ZNF423: variants seen among roughly 807,000 people sequenced by gnomAD.
ZNF423 encodes the protein Ebf-associated zinc finger protein.
In ZNF423, 12 loss-of-function variants were observed where a neutral mutation model predicts 95.8. That is an observed-to-expected ratio of 0.13 (90% CI 0.08 to 0.20). The LOEUF is 0.20. Ranked by LOEUF, ZNF423 falls within the 10% of genes least tolerant of loss-of-function variation. The pLI is 1.00. For synonymous variants in ZNF423, 749 were observed against 711.9 expected (o/e 1.05, Z -0.83); for missense variants, 1,316 against 1,737.1 (o/e 0.76, Z 4.31).
chr16:49,618,523 C>T (rs1645969198), intron 5 of ZNF423, among the ~76,000 whole-genome samples: 1 of 152,170 alleles, frequency 6.6e-6, no homozygotes, highest in African/African-American at 2.4e-5. Flanking sequence ...GCTCTTCCCC[C>T]TTTGCTTTCT....
At chr16:49,595,151 G>T (rs1304890268) in intron 5 of ZNF423, among the ~76,000 whole-genome samples, 1 of 152,168 alleles carries the variant, frequency 6.6e-6, no homozygotes, top group Non-Finnish European at 1.5e-5. Context: ...GGGGTGGGGG[G>T]GTCTCTCTTG....
chr16:49,635,879 G>A lies in ZNF423; in HGVS notation c.3297C>T (p.Leu1099=). The A allele has an allele frequency of 6.3e-7, 1 of 1,583,498 alleles. No homozygotes were observed. The highest frequency in any genetic ancestry group is 8.6e-7 in the Non-Finnish European group (1 of 1,167,404). The change falls in exon 4 of 8, where the codon CTC becomes CTT. Residue 1099 remains leucine (L), a synonymous_variant. Coordinates refer to ENST00000563137, the MANE Select transcript of ZNF423 (RefSeq NM_001379286.1). This position sits in a 1 kb window ranked among gnomAD's most constrained non-coding sequence, Gnocchi z 4.8. The stretch of plus-strand genomic sequence containing the variant: ...CGCTGCGGGCCATGCAGCCGGCGCA[G>A]AGGCCGTAGGGCAGCCCATTGACGT... ...KLDVNGLPYG[L]CAGCMARSAN...
chr16:49,829,016 A>G (rs972871899), intron 1 of ZNF423, among the ~76,000 whole-genome samples: 6 of 152,200 alleles, frequency 3.9e-5, no homozygotes, highest in African/African-American at 1.4e-4. Flanking sequence ...CAACCCAGCC[A>G]GAGCAAGCCG....
At chr16:49,756,810 C>G (rs2033735912) in intron 2 of ZNF423, among the ~76,000 whole-genome samples, 1 of 152,216 alleles carries the variant, frequency 6.6e-6, no homozygotes, top group Non-Finnish European at 1.5e-5. Flanking sequence ...CTTGTGAGCA[C>G]CCCTGAGGAC....
intron 1 of ZNF423, among the ~76,000 whole-genome samples, chr16:49,791,866 G>A (rs543376087): frequency 5.9e-4 from 90 of 151,962 alleles, no homozygotes; most frequent in Non-Finnish European, 1.0e-3. Flanking sequence ...GCCAGGCATG[G>A]TGGTGCATGC....
At chr16:49,535,835 A>C (rs79653403) in intron 5 of ZNF423, among the ~76,000 whole-genome samples, 2,029 of 152,294 alleles carry the variant, frequency 0.013, 43 homozygotes, top group African/African-American at 0.045. Flanking sequence ...TATATCACTG[A>C]TCTTCAGATT....
intron 7 of ZNF423, among the ~76,000 whole-genome samples, chr16:49,491,623 G>A (rs1966974404): frequency 6.6e-6 from 1 of 150,698 alleles, no homozygotes; most frequent in Non-Finnish European, 1.5e-5. Flanking sequence ...GGAAATGCCG[G>A]GGAGGAGGCA....
chr16:49,845,556 T>C (rs1418771338), intron 1 of ZNF423, among the ~76,000 whole-genome samples: 3 of 151,870 alleles, frequency 2.0e-5, no homozygotes, highest in African/African-American at 7.3e-5. Flanking sequence ...TTTGTTTTGT[T>C]TTGAGAAAGG....
chr16:49,730,445 C>A, intron 3 of ZNF423: 1 of 376,824 alleles, frequency 2.7e-6, no homozygotes, highest in Non-Finnish European at 4.9e-6. Context: ...CTAACAACCT[C>A]TTAATTACTG....
intron 3 of ZNF423, among the ~76,000 whole-genome samples, chr16:49,685,925 C>T (rs184730084): frequency 2.1e-3 from 313 of 152,296 alleles, no homozygotes; most frequent in African/African-American, 7.1e-3. Flanking sequence ...AACATGCCAG[C>T]GCCCTCCTGA....
chr16:49,854,311 G>A, intron 1 of ZNF423: 1 of 985,418 alleles, frequency 1.0e-6, no homozygotes, highest in Non-Finnish European at 1.2e-6. Flanking sequence ...ATGACGGGGA[G>A]GATCTCTGCT....
chr16:49,662,869 C>T (rs891181631), intron 3 of ZNF423, among the ~76,000 whole-genome samples: 2 of 152,244 alleles, frequency 1.3e-5, no homozygotes, highest in South Asian at 2.1e-4. Context: ...GAGATGCCCA[C>T]GTGGGGCTCA....
intron 1 of ZNF423, among the ~76,000 whole-genome samples, chr16:49,850,680 C>T (rs182980325): frequency 4.1e-4 from 63 of 152,330 alleles, no homozygotes; most frequent in South Asian, 1.2e-3. Flanking sequence ...TTGGCAAAAA[C>T]GATGGGGCCA....
At chr16:49,678,228 A>ATT (rs200881792) in intron 3 of ZNF423, among the ~76,000 whole-genome samples, 22 of 150,180 alleles carry the variant, frequency 1.5e-4, no homozygotes, top group Non-Finnish European at 3.3e-4. Context: ...TATGTGTTTT[A>ATT]TTTTTTTTTT....
At chr16:49,509,869 C>G (rs1967810055) in intron 7 of ZNF423, among the ~76,000 whole-genome samples, 3 of 152,168 alleles carry the variant, frequency 2.0e-5, no homozygotes, top group Non-Finnish European at 4.4e-5. Context: ...CTCAGTCTCC[C>G]CACCTGTGAA....
At chr16:49,616,950 G>C (rs1971895356) in intron 5 of ZNF423, among the ~76,000 whole-genome samples, 1 of 152,184 alleles carries the variant, frequency 6.6e-6, no homozygotes. Flanking sequence ...AGTGTGCTGG[G>C]ACCTTTTCAT....
rs2033375435 is a variant in ZNF423, at chr16:49,739,740, C to T, written c.101-8769G>A. Among the ~76,000 whole-genome samples the T allele has an allele frequency of 2.8e-5, 4 of 145,218 alleles. No individual in the cohort carries two copies. The South Asian group carries it at 6.6e-4, about 24-fold the overall frequency. ...TGGAGACAGGATCTTGGTCTGTCAC[C>T]GAGGGTGGAGTGCAGTGATGCGATC... On this transcript the variant is annotated intron_variant, in intron 2 of 7. Coordinates refer to ENST00000563137, the MANE Select transcript of ZNF423 (RefSeq NM_001379286.1).
At chr16:49,677,158 C>A (rs1249974574) in intron 3 of ZNF423, among the ~76,000 whole-genome samples, 5 of 148,096 alleles carry the variant, frequency 3.4e-5, no homozygotes, top group Non-Finnish European at 7.4e-5. Context: ...GCGAAGGCTG[C>A]AGTGAGTCAT....
intron 3 of ZNF423, among the ~76,000 whole-genome samples, chr16:49,665,916 C>T (rs2030518891): frequency 6.6e-6 from 1 of 152,208 alleles, no homozygotes; most frequent in South Asian, 2.1e-4. Flanking sequence ...AAGGTCTCTG[C>T]ATCTGTAACC....
Sources: gnomAD v4.1 joint callset for allele counts (sites outside exome capture counted in the v4.1 genomes callset) on GRCh38, gnomAD v4.1.1 for gene constraint, Gnocchi (gnomAD v3.1) non-coding constraint, MANE v1.5 for transcripts, NCBI Gene and HGNC (gene_info 2026-07-23, HGNC 2026-07-21) for gene names.